PHLDB2: variants seen among roughly 807,000 people sequenced by gnomAD.
PHLDB2 encodes the protein pleckstrin homology like domain family B member 2.
In PHLDB2, 71 loss-of-function variants were observed where a neutral mutation model predicts 123.6. The ratio of observed to expected loss-of-function variants is 0.57; its 90% CI spans 0.47 to 0.70. The LOEUF (loss-of-function observed/expected upper bound fraction) is 0.70. Ranked by LOEUF, PHLDB2 falls within the 30% of genes least tolerant of loss-of-function variation. The pLI is 0.00. For synonymous variants in PHLDB2, 547 were observed against 541.6 expected (o/e 1.01, Z -0.14); for missense variants, 1,446 against 1,519.5 (o/e 0.95, Z 0.80).
intron 2 of PHLDB2, among the ~76,000 whole-genome samples, chr3:111,899,379 G>T (rs2067058814): frequency 6.6e-6 from 1 of 152,048 alleles, no homozygotes; most frequent in Non-Finnish European, 1.5e-5. Context: ...CATCACCTAG[G>T]TATTAAGCCT....
Position 111,780,271 on chromosome 3 carries a change from A to AGAAAGAAGAAGAAGAAGAAG in PHLDB2, c.-49+47568_-49+47569insGAAAGAAGAAGAAGAAGAAG, listed in dbSNP as rs34178824. ...CTCCTGATTTAAAAGAAGAAGAAGA[A>AGAAAGAAGAAGAAGAAGAAG]AAGAAGAAGAAGAAGAAGAAGAAGA... On this transcript the variant is annotated intron_variant, in intron 1 of 17. Transcript: ENST00000393923. Among the ~76,000 whole-genome samples, 8 of 7,790 alleles carry AGAAAGAAGAAGAAGAAGAAG rather than the reference A, an allele frequency of 1.0e-3. 3 individuals are homozygous for AGAAAGAAGAAGAAGAAGAAG. The highest frequency in any genetic ancestry group is 3.3e-3 in the African/African-American group (8 of 2,448). The allele number at this position is 7,790 out of a possible 152,430, so 5.1% of individuals were successfully genotyped here.
intron 2 of PHLDB2, among the ~76,000 whole-genome samples, chr3:111,904,703 CAG>C (rs893027546): frequency 2.0e-5 from 3 of 152,030 alleles, no homozygotes; most frequent in East Asian, 1.9e-4. Flanking sequence ...CATTTTCAGA[CAG>C]AGGAGAAGGA....
intron 1 of PHLDB2, among the ~76,000 whole-genome samples, chr3:111,862,737 A>G (rs1423923221): frequency 6.6e-6 from 1 of 152,150 alleles, no homozygotes; most frequent in Non-Finnish European, 1.5e-5. Context: ...TGCCATTTAG[A>G]GTCTTAATAT....
At chr3:111,834,247 T>A (rs1559858376) in intron 1 of PHLDB2, among the ~76,000 whole-genome samples, 16 of 93,934 alleles carry the variant, frequency 1.7e-4, no homozygotes, top group African/African-American at 1.2e-3. Flanking sequence ...ATAATAGAAT[T>A]ATATATATAA....
At chr3:111,800,687 C>G (rs1418635407) in intron 1 of PHLDB2, among the ~76,000 whole-genome samples, 4 of 152,096 alleles carry the variant, frequency 2.6e-5, no homozygotes, top group Admixed American at 6.6e-5. Context: ...TTTTAAGAAG[C>G]ATTTTGCAAG....
At chr3:111,915,301 A>C (rs890509407) in intron 3 of PHLDB2, 2 of 152,236 alleles carry the variant, frequency 1.3e-5, no homozygotes, top group Non-Finnish European at 2.9e-5. Flanking sequence ...GTGTTTGTTT[A>C]GCTACAGCAA....
In PHLDB2 at chr3:111,917,195, G is replaced by A. The variant is rs544992829; in HGVS notation, c.1720-1877G>A. 9 of 152,120 alleles carry A rather than the reference G, an allele frequency of 5.9e-5. No homozygotes were observed. The South Asian group carries it at 1.5e-3, about 25-fold the overall frequency. 9.4% of individuals were successfully genotyped at this position (152,120 alleles called of 1,614,324 possible). On this transcript the variant is annotated intron_variant, in intron 3 of 17. Transcript: ENST00000431670. Reference sequence around the variant, plus strand: ...AAAAACTACAAACATTTCCTAGATGGCATTTATTGCTATAAACAGACTCTT... The same window carrying A: ...AAAAACTACAAACATTTCCTAGATGACATTTATTGCTATAAACAGACTCTT...
At chr3:111,961,355 C>A (rs1448648436) in intron 12 of PHLDB2, among the ~76,000 whole-genome samples, 1 of 151,972 alleles carries the variant, frequency 6.6e-6, no homozygotes, top group African/African-American at 2.4e-5. Context: ...AAAATAAAGA[C>A]CTCTTATTTA....
chr3:111,856,986 G>A (rs925263496), upstream of PHLDB2, among the ~76,000 whole-genome samples: 2 of 152,118 alleles, frequency 1.3e-5, no homozygotes, highest in African/African-American at 4.8e-5. Context: ...TGAGCAACAC[G>A]GTGACATTGA....
chr3:111,747,445 A>T (rs1053620311), intron 1 of PHLDB2, among the ~76,000 whole-genome samples: 4 of 152,172 alleles, frequency 2.6e-5, no homozygotes, highest in African/African-American at 9.7e-5. Flanking sequence ...AAAAGAAGGG[A>T]CTTTCATGTA....
At chr3:111,753,114 T>C (rs943416998) in intron 1 of PHLDB2, among the ~76,000 whole-genome samples, 1 of 152,070 alleles carries the variant, frequency 6.6e-6, no homozygotes, top group Non-Finnish European at 1.5e-5. Context: ...AACGTATGTG[T>C]GCATGTGTCT....
intron 1 of PHLDB2, among the ~76,000 whole-genome samples, chr3:111,746,348 G>A (rs532564570): frequency 6.6e-6 from 1 of 152,292 alleles, no homozygotes; most frequent in South Asian, 2.1e-4. Context: ...CTAACTGACA[G>A]GTGTTTCAGA....
intron 1 of PHLDB2, among the ~76,000 whole-genome samples, chr3:111,737,754 A>T (rs2059534715): frequency 6.6e-6 from 1 of 152,148 alleles, no homozygotes; most frequent in Non-Finnish European, 1.5e-5. Context: ...ACTAGGCAGA[A>T]TTCTTTTTTG....
chr3:111,805,212 T>C (rs1576664687), intron 1 of PHLDB2, among the ~76,000 whole-genome samples: 1 of 152,172 alleles, frequency 6.6e-6, no homozygotes, highest in East Asian at 1.9e-4. Context: ...TTGTTCATTA[T>C]AGCCAAGAAC....
At chr3:111,801,797 A>C (rs114909067) in intron 1 of PHLDB2, among the ~76,000 whole-genome samples, 2,186 of 152,352 alleles carry the variant, frequency 0.014, 14 homozygotes, top group Non-Finnish European at 0.022. Flanking sequence ...AGTCAAGTCT[A>C]TAGAGACAGA....
intron 1 of PHLDB2, among the ~76,000 whole-genome samples, chr3:111,739,964 T>G (rs1463146254): frequency 6.6e-6 from 1 of 152,130 alleles, no homozygotes. Context: ...TTAAAATTTT[T>G]TTTTACCTGA....
chr3:111,896,177 T>G (rs1188296701), intron 2 of PHLDB2, among the ~76,000 whole-genome samples: 1 of 152,146 alleles, frequency 6.6e-6, no homozygotes, highest in East Asian at 1.9e-4. Context: ...GTTCTCGAAC[T>G]CCTGGCCTCA....
At chr3:111,790,988 C>T (rs1361432008) in intron 1 of PHLDB2, among the ~76,000 whole-genome samples, 1 of 152,046 alleles carries the variant, frequency 6.6e-6, no homozygotes, top group Admixed American at 6.6e-5. Context: ...TCCCCTAGTA[C>T]ACTGTGAACC....
intron 9 of PHLDB2, among the ~76,000 whole-genome samples, chr3:111,945,940 C>T (rs1257049110): frequency 6.6e-6 from 1 of 152,034 alleles, no homozygotes; most frequent in East Asian, 1.9e-4. Context: ...CACCACTTTG[C>T]CCACCAGATA....
Sources: gnomAD v4.1 joint callset for allele counts (sites outside exome capture counted in the v4.1 genomes callset) on GRCh38, gnomAD v4.1.1 for gene constraint, MANE v1.5 for transcripts, NCBI Gene and HGNC (gene_info 2026-07-23, HGNC 2026-07-21) for gene names.